Variants in CDKAL1 observed in about 807,000 individuals in gnomAD.
CDKAL1 encodes the protein threonylcarbamoyladenosine tRNA methylthiotransferase.
CDKAL1 carries 32 observed loss-of-function variants against 68.2 expected under a neutral mutation model. The ratio of observed to expected loss-of-function variants is 0.47; its 90% CI spans 0.35 to 0.63. CDKAL1 has a LOEUF of 0.63. Among genes scored for constraint, CDKAL1 ranks in the 30% least tolerant of loss-of-function variants. The pLI, the probability that CDKAL1 is intolerant of heterozygous loss-of-function variation, is 0.00. For missense variants in CDKAL1, 606 were observed against 696.7 expected (o/e 0.87, Z 1.47); for synonymous variants, 234 against 244.3 (o/e 0.96, Z 0.39).
chr6:20,875,804 A>G (rs1008719436), intron 9 of CDKAL1, among the ~76,000 whole-genome samples: 1 of 152,234 alleles, frequency 6.6e-6, no homozygotes, highest in Non-Finnish European at 1.5e-5. Flanking sequence ...CATATATAAT[A>G]GATCTATTTG....
intron 9 of CDKAL1, among the ~76,000 whole-genome samples, chr6:20,867,550 C>A (rs1034456911): frequency 2.6e-5 from 4 of 151,816 alleles, no homozygotes; most frequent in African/African-American, 9.7e-5. Context: ...AGATTTCAGA[C>A]GACTGTCAGA....
chr6:20,631,171 G>T (rs936184280), intron 4 of CDKAL1, among the ~76,000 whole-genome samples: 1 of 151,054 alleles, frequency 6.6e-6, no homozygotes, highest in Non-Finnish European at 1.5e-5. Flanking sequence ...CACCTGTTAC[G>T]CCTCTGTGAC....
chr6:20,584,865 C>T (rs1765279835), intron 4 of CDKAL1, among the ~76,000 whole-genome samples: 1 of 152,066 alleles, frequency 6.6e-6, no homozygotes, highest in South Asian at 2.1e-4. Flanking sequence ...CTCTGAGGTC[C>T]CTCTGTTGCT....
intron 9 of CDKAL1, among the ~76,000 whole-genome samples, chr6:20,848,734 A>G (rs1758835579): frequency 6.6e-6 from 1 of 151,532 alleles, no homozygotes; most frequent in Non-Finnish European, 1.5e-5. Flanking sequence ...CTGGTGAGCT[A>G]ATTTGTGAGA....
At chr6:20,786,651 C>A (rs1455176583) in intron 8 of CDKAL1, among the ~76,000 whole-genome samples, 1 of 151,962 alleles carries the variant, frequency 6.6e-6, no homozygotes, top group Non-Finnish European at 1.5e-5. Context: ...GCGCCCGCCA[C>A]CATGCCTGGC....
chr6:20,834,923 A>G (rs968027060), intron 8 of CDKAL1, among the ~76,000 whole-genome samples: 6 of 152,220 alleles, frequency 3.9e-5, no homozygotes, highest in Non-Finnish European at 5.9e-5. Flanking sequence ...ATAGCTTCAC[A>G]GGAAACAGCT....
In CDKAL1 at chr6:21,054,902, A is replaced by C. The variant is rs908927713; in HGVS notation, c.1056-10146A>C. ...CATACAAGGTCATGTCACCTGCCCA[A>C]AAAAAAAAAAAATTCTGTCTTTTAA... On this transcript the variant is annotated intron_variant, in intron 11 of 15. Transcript: ENST00000274695. Among the ~76,000 whole-genome samples the C allele has an allele frequency of 7.6e-3, 756 of 99,682 alleles. 7 individuals are homozygous for C. The highest frequency in any genetic ancestry group is 0.019 in the African/African-American group (539 of 27,718). The allele number at this position is 99,682 out of a possible 152,430, so 65.4% of individuals were successfully genotyped here. A position where few individuals can be genotyped will look rare whatever the true frequency, so the allele number is the denominator to read the frequency against.
At chr6:20,947,967 A>G (rs1313208524) in intron 9 of CDKAL1, among the ~76,000 whole-genome samples, 1 of 149,878 alleles carries the variant, frequency 6.7e-6, no homozygotes, top group Non-Finnish European at 1.5e-5. Context: ...AATTTTAATT[A>G]TAGAATTTCA....
intron 13 of CDKAL1, among the ~76,000 whole-genome samples, chr6:21,130,221 C>CTTT (rs10708944): frequency 1.1e-4 from 13 of 115,616 alleles, no homozygotes; most frequent in East Asian, 2.5e-4. Context: ...TTGGACCTAA[C>CTTT]TTTTTTTTTT....
At chr6:20,831,425 TGGA>T (rs145335675) in intron 8 of CDKAL1, among the ~76,000 whole-genome samples, 96,538 of 151,596 alleles carry the variant, frequency 0.64, 31,073 homozygotes, top group African/African-American at 0.66. Context: ...AGTGTTGTTG[TGGA>T]GAAGAATTGG....
intron 9 of CDKAL1, among the ~76,000 whole-genome samples, chr6:20,887,017 G>A (rs1044135154): frequency 9.2e-5 from 14 of 152,114 alleles, no homozygotes; most frequent in African/African-American, 3.4e-4. Flanking sequence ...CTGGACAAAA[G>A]ATTTGAACAG....
At chr6:20,566,066 C>T (rs959586364) in intron 4 of CDKAL1, among the ~76,000 whole-genome samples, 1 of 151,992 alleles carries the variant, frequency 6.6e-6, no homozygotes, top group Non-Finnish European at 1.5e-5. Context: ...ACAGGCTTCC[C>T]TCTCCAACCC....
chr6:20,808,242 C>T (rs1222955985), intron 8 of CDKAL1, among the ~76,000 whole-genome samples: 2 of 151,866 alleles, frequency 1.3e-5, no homozygotes, highest in African/African-American at 4.8e-5. Flanking sequence ...CTATTCTTCT[C>T]CTTAAGAGAT....
intron 9 of CDKAL1, among the ~76,000 whole-genome samples, chr6:20,951,769 A>G (rs962303935): frequency 6.6e-5 from 10 of 152,200 alleles, no homozygotes; most frequent in African/African-American, 2.4e-4. Flanking sequence ...AGTCAGGTAG[A>G]TGAACAATTT....
intron 4 of CDKAL1, among the ~76,000 whole-genome samples, chr6:20,598,544 T>C (rs111582695): frequency 0.013 from 1,949 of 152,280 alleles, 19 homozygotes; most frequent in Non-Finnish European, 0.018. Flanking sequence ...TGACCTCCCA[T>C]CTTGAGCATA....
rs1414376586 is a variant in CDKAL1, at chr6:20,982,735, T to G, written c.910-17492T>G. ...CCTTGCAAAAAAGGGTAAGTTAGAT[T>G]TTTTTTTTATTTGTAGAGACCACAG... is the stretch of plus-strand genomic sequence containing the variant. On this transcript the variant is annotated intron_variant, in intron 10 of 15. Transcript: ENST00000274695. Among the ~76,000 whole-genome samples, 3 of 151,358 alleles carry G rather than the reference T, an allele frequency of 2.0e-5. No homozygotes were observed. In the East Asian group the frequency reaches 5.8e-4, roughly 29 times the overall value.
chr6:20,983,946 A>T (rs2150779943), intron 10 of CDKAL1, among the ~76,000 whole-genome samples: 1 of 152,306 alleles, frequency 6.6e-6, no homozygotes, highest in Non-Finnish European at 1.5e-5. Context: ...CATAGGAATG[A>T]TGCTCTTGTG....
chr6:20,984,279 C>G (rs1766321208), intron 10 of CDKAL1, among the ~76,000 whole-genome samples: 2 of 152,166 alleles, frequency 1.3e-5, no homozygotes, highest in Admixed American at 6.5e-5. Flanking sequence ...GGGGCAGAGT[C>G]TACTTGCTTG....
chr6:20,943,271 A>G (rs1309335071), intron 9 of CDKAL1, among the ~76,000 whole-genome samples: 1 of 147,620 alleles, frequency 6.8e-6, no homozygotes, highest in Admixed American at 6.8e-5. Flanking sequence ...CTTGTATACA[A>G]TATTGCTTCC....
Sources: gnomAD v4.1 joint callset for allele counts (sites outside exome capture counted in the v4.1 genomes callset) on GRCh38, gnomAD v4.1.1 for gene constraint, MANE v1.5 for transcripts, NCBI Gene and HGNC (gene_info 2026-07-23, HGNC 2026-07-21) for gene names.